The following NEURL1B variants were observed in gnomAD, a reference collection of about 807,000 sequenced individuals.
NEURL1B encodes the protein neuralized E3 ubiquitin protein ligase 1B, also known as E3 ubiquitin-protein ligase NEURL1B.
A neutral mutation model predicts 37.4 loss-of-function variants in NEURL1B; 13 were observed. The ratio of observed to expected loss-of-function variants is 0.35; its 90% CI spans 0.23 to 0.55. The LOEUF is 0.55. Ranked by LOEUF, NEURL1B falls within the 20% of genes least tolerant of loss-of-function variation. The pLI, the probability that NEURL1B is intolerant of heterozygous loss-of-function variation, is 0.89. For missense variants in NEURL1B, 790 were observed against 879.2 expected, an observed-to-expected ratio of 0.90 and a Z score of 1.28; for synonymous variants, 432 against 426.6, an observed-to-expected ratio of 1.01 and a Z score of -0.16.
At position 172,689,660 on chromosome 5, in the gene NEURL1B, T is replaced by G. The variant is rs1758592460; in HGVS notation, c.*2735T>G. On this transcript the variant is annotated 3_prime_UTR_variant, in exon 5 of 5. Coordinates refer to ENST00000369800, the MANE Select transcript of NEURL1B (RefSeq NM_001142651.3). Reference sequence around the variant, plus strand: ...CAACAGGAGATGGCAGGGCTGGGATTCAAACCCGGGAGTGTCTGCTGCCAC... The same window carrying G: ...CAACAGGAGATGGCAGGGCTGGGATGCAAACCCGGGAGTGTCTGCTGCCAC... 6.6e-6 allele frequency: 1 copy of G among 152,128 alleles called. No individual in the cohort carries two copies. Among genetic ancestry groups the G allele is most frequent in the Non-Finnish European group, 1.5e-5 (1 of 67,996 alleles). 9.4% of individuals were successfully genotyped at this position (152,128 alleles called of 1,614,324 possible).
Position 172,690,486 on chromosome 5 carries a change from A to G in NEURL1B, c.*3561A>G, listed in dbSNP as rs929025997. Reference sequence around the variant, plus strand: ...GGGGTTTGATAAAACAGCACCACATAACGCACACAAAGATACTCCAGAAAC... The same window carrying G: ...GGGGTTTGATAAAACAGCACCACATGACGCACACAAAGATACTCCAGAAAC... On this transcript the variant is annotated 3_prime_UTR_variant, in exon 5 of 5. Coordinates refer to ENST00000369800, the MANE Select transcript of NEURL1B (RefSeq NM_001142651.3). 6.6e-6 allele frequency: 1 copy of G among 152,220 alleles called. No homozygotes were observed. The allele number at this position is 152,220 out of a possible 1,614,324, so 9.4% of individuals were successfully genotyped here.
In NEURL1B at chr5:172,641,340, GC is replaced by G; in HGVS notation, c.-64del. 7.4e-7 allele frequency: 1 copy of G among 1,356,988 alleles called. No individual in the cohort carries two copies. The highest frequency in any genetic ancestry group is 1.7e-5 in the South Asian group (1 of 58,946). 84.1% of individuals were successfully genotyped at this position (1,356,988 alleles called of 1,614,324 possible). A position where few individuals can be genotyped will look rare whatever the true frequency, so the allele number is the denominator to read the frequency against. On this transcript the variant is annotated 5_prime_UTR_variant, in exon 1 of 5. An upstream open reading frame in the 5' UTR loses its in-frame stop. Coordinates refer to ENST00000369800, the MANE Select transcript of NEURL1B (RefSeq NM_001142651.3). This position sits in a 1 kb window ranked among gnomAD's most constrained non-coding sequence, Gnocchi z 6.4. ...GCGTCGACCCCGGTCCTGGTCCCTG[GC>G]CCGCCGCGTAATTAGCCTCCGCGCG...
At chr5:172,650,724 A>AT (rs1757645860) in intron 1 of NEURL1B, among the ~76,000 whole-genome samples, 1 of 152,242 alleles carries the variant, frequency 6.6e-6, no homozygotes, top group Admixed American at 6.5e-5. Flanking sequence ...AGATGGAGCA[A>AT]TGGTGAGCGC....
intron 1 of NEURL1B, among the ~76,000 whole-genome samples, chr5:172,652,837 T>G (rs530676053): frequency 1.3e-5 from 2 of 152,324 alleles, no homozygotes; most frequent in South Asian, 4.1e-4. Context: ...TGGTCAGCAA[T>G]AGAGCGAGGA....
At position 172,641,293 on chromosome 5, in the gene NEURL1B, C is replaced by G. The variant is rs898918808; in HGVS notation, c.-114C>G. 1.0e-5 allele frequency: 10 copies of G among 962,240 alleles called. No individual in the cohort carries two copies. The highest frequency in any genetic ancestry group is 1.7e-5 in the African/African-American group (1 of 58,496). 59.6% of individuals were successfully genotyped at this position (962,240 alleles called of 1,614,324 possible). ...CCCAGCTGCCGCCCGCCGGCTCGCCCGTGCAGCTGCGATGCCCCGGAGCGT... is the reference window on the plus strand; with the variant it reads ...CCCAGCTGCCGCCCGCCGGCTCGCCGGTGCAGCTGCGATGCCCCGGAGCGT... On this transcript the variant is annotated 5_prime_UTR_variant, in exon 1 of 5. Transcript: ENST00000369800. This position sits in a 1 kb window ranked among gnomAD's most constrained non-coding sequence, Gnocchi z 6.4.
chr5:172,651,529 G>T (rs1190064278), intron 1 of NEURL1B, among the ~76,000 whole-genome samples: 1 of 152,180 alleles, frequency 6.6e-6, no homozygotes, highest in African/African-American at 2.4e-5. Context: ...TCCATTAGGG[G>T]CGGTGTTGTT....
intron 1 of NEURL1B, among the ~76,000 whole-genome samples, chr5:172,658,313 C>T (rs1005265220): frequency 6.6e-6 from 1 of 152,196 alleles, no homozygotes; most frequent in South Asian, 2.1e-4. Context: ...CTTCCAAGCA[C>T]GTAGCCCTTT....
At chr5:172,648,080 C>T (rs543080093) in intron 1 of NEURL1B, among the ~76,000 whole-genome samples, 4 of 152,218 alleles carry the variant, frequency 2.6e-5, no homozygotes, top group Non-Finnish European at 5.9e-5. Flanking sequence ...GTCCTGTCCC[C>T]ATGCTGTGCC....
rs370285084 is a variant in NEURL1B at position 172,686,769 on chromosome 5, G to A, written c.1512G>A (p.Thr504=). Residue 504 remains threonine, a synonymous_variant, in exon 5 of 5, where the codon ACG becomes ACA. Transcript: ENST00000369800. The surrounding 1 kb of genome is among the most constrained non-coding windows in gnomAD (Gnocchi z 7.9). ...CAGGCATCAAGAATGGCGAGTGCAC[G>A]GTGTGCTTCGATGGCGAGGTGGACA... ...EPAGIKNGEC[T]VCFDGEVDTV... is the part of the protein sequence containing the mutation. The A allele has an allele frequency of 1.1e-5, 17 of 1,551,578 alleles. No homozygotes were observed. Among genetic ancestry groups the A allele is most frequent in the Middle Eastern group, 3.3e-4 (2 of 6,014 alleles).
intron 2 of NEURL1B, 139 bp downstream of exon 2, chr5:172,670,469 CTAAT>C (rs1758106498): frequency 1.7e-6 from 1 of 579,248 alleles, no homozygotes; most frequent in Non-Finnish European, 2.6e-6. Context: ...CGCCTTTTAA[CTAAT>C]TTATTTCTCA....
intron 3 of NEURL1B, 120 bp downstream of exon 3, chr5:172,684,258 G>A: frequency 1.1e-6 from 1 of 919,240 alleles, no homozygotes; most frequent in Non-Finnish European, 1.4e-6. Flanking sequence ...CCCGAGGCCA[G>A]CCCGCGGTTC....
chr5:172,684,827 C>T (rs1368074468), intron 3 of NEURL1B, among the ~76,000 whole-genome samples: 1 of 152,184 alleles, frequency 6.6e-6, no homozygotes, highest in Non-Finnish European at 1.5e-5. Flanking sequence ...GTGACATTTG[C>T]TACAGCCGGG....
intron 1 of NEURL1B, among the ~76,000 whole-genome samples, chr5:172,659,866 T>C (rs1757862085): frequency 6.6e-6 from 1 of 152,148 alleles, no homozygotes; most frequent in African/African-American, 2.4e-5. Context: ...TTTGTCATCC[T>C]CCCAGCCCTG....
chr5:172,648,113 C>T (rs1757593700), intron 1 of NEURL1B, among the ~76,000 whole-genome samples: 1 of 152,220 alleles, frequency 6.6e-6, no homozygotes, highest in African/African-American at 2.4e-5. Context: ...AGATTAACCG[C>T]ACAGGCTGGA....
rs1581443727 is a variant in NEURL1B, at chr5:172,688,114, A to ACCCTGC, written c.*1193_*1198dup. The ACCCTGC allele has an allele frequency of 6.6e-6, 1 of 152,546 alleles. No homozygotes were observed. The highest frequency in any genetic ancestry group is 1.5e-5 in the Non-Finnish European group (1 of 68,036). The allele number at this position is 152,546 out of a possible 1,614,324, so 9.4% of individuals were successfully genotyped here. ...CCTGCTGGTATTTCCTGGGACCTTG[A>ACCCTGC]CCCTGCCCCACCCCCTCAGCCGTGC... On this transcript the variant is annotated 3_prime_UTR_variant, in exon 5 of 5. Transcript: ENST00000369800. This position sits in a 1 kb window ranked among gnomAD's most constrained non-coding sequence, Gnocchi z 4.3.
rs548538310 is a variant in NEURL1B at position 172,646,797 on chromosome 5, G to A, written c.31+5360G>A. On this transcript the variant is annotated intron_variant, in intron 1 of 4. Transcript: ENST00000369800. ...GCCCGTAAAGAAGAGACATCAGCTA[G>A]GAGAAGGGAGTGAGAAAGGCTGTTC... is the stretch of plus-strand genomic sequence containing the variant. 8.5e-5 allele frequency among the ~76,000 whole-genome samples: 13 copies of A among 152,218 alleles called. 1 individual carries two copies. In the South Asian group the frequency reaches 2.5e-3, roughly 29 times the overall value.
Position 172,687,700 on chromosome 5 carries a change from T to G in NEURL1B, c.*775T>G, listed in dbSNP as rs902516907. 6.6e-6 allele frequency: 1 copy of G among 152,078 alleles called. No individual in the cohort carries two copies. The highest frequency in any genetic ancestry group is 2.4e-5 in the African/African-American group (1 of 41,398). 9.4% of individuals were successfully genotyped at this position (152,078 alleles called of 1,614,324 possible). On this transcript the variant is annotated 3_prime_UTR_variant, in exon 5 of 5. Transcript: ENST00000369800. Reference sequence around the variant, plus strand: ...CCCAGACTGTCTAATAATACACACATCATACCTTGTCTCCGTCTCTGGAGG... The same window carrying G: ...CCCAGACTGTCTAATAATACACACAGCATACCTTGTCTCCGTCTCTGGAGG...
intron 2 of NEURL1B, among the ~76,000 whole-genome samples, chr5:172,677,117 G>A (rs547526112): frequency 2.4e-4 from 37 of 152,202 alleles, no homozygotes; most frequent in African/African-American, 8.2e-4. Context: ...ACCTTGGGCC[G>A]GGAGGAATGC....
chr5:172,677,391 C>T (rs1025966890), intron 2 of NEURL1B, among the ~76,000 whole-genome samples: 4 of 152,110 alleles, frequency 2.6e-5, no homozygotes, highest in Non-Finnish European at 4.4e-5. Context: ...CATCGTGATC[C>T]CACTGTTCTG....
Sources: gnomAD v4.1 joint callset for allele counts (sites outside exome capture counted in the v4.1 genomes callset) on GRCh38, gnomAD v4.1.1 for gene constraint, Gnocchi (gnomAD v3.1) non-coding constraint, MANE v1.5 for transcripts, NCBI Gene and HGNC (gene_info 2026-07-23, HGNC 2026-07-21) for gene names.